ADAMTS14: variants seen among roughly 807,000 people sequenced by gnomAD.
ADAMTS14 encodes A disintegrin and metalloproteinase with thrombospondin motifs 14.
In ADAMTS14, 100 loss-of-function variants were observed where a neutral mutation model predicts 128.6. The ratio of observed to expected loss-of-function variants is 0.78; its 90% CI spans 0.66 to 0.92. The LOEUF (loss-of-function observed/expected upper bound fraction) is 0.92, where lower values mean the gene tolerates loss of function less well. ADAMTS14 is among the 40% of genes least tolerant of loss of function. ADAMTS14 has a pLI of 0.00. For synonymous variants in ADAMTS14, 665 were observed against 653.8 expected (o/e 1.02, Z -0.26); for missense variants, 1,562 against 1,658.6 (o/e 0.94, Z 1.01).
chr10:70,723,996 G>T (rs566456454), intron 4 of ADAMTS14, among the ~76,000 whole-genome samples: 5 of 152,342 alleles, frequency 3.3e-5, no homozygotes, highest in Admixed American at 3.3e-4. Context: ...TGGATGTCTT[G>T]CCTATGAGAC....
At chr10:70,735,339 C>T (rs201013821) in intron 9 of ADAMTS14, 38 bp downstream of exon 9, 2 of 1,607,666 alleles carry the variant, frequency 1.2e-6, no homozygotes, top group Admixed American at 1.7e-5. Context: ...TGGTTGGGGG[C>T]CAGGGCAGTG....
At chr10:70,697,637 T>C (rs1041339026) in intron 2 of ADAMTS14, among the ~76,000 whole-genome samples, 2 of 152,236 alleles carry the variant, frequency 1.3e-5, no homozygotes, top group African/African-American at 2.4e-5. Context: ...CTCATCCTGA[T>C]AGTAGACAGC....
At chr10:70,760,275 T>G in intron 21 of ADAMTS14, 85 bp from the exon 22 acceptor site, 1 of 1,485,216 alleles carries the variant, frequency 6.7e-7, no homozygotes, top group Non-Finnish European at 8.9e-7. Context: ...GGGCGGGCAG[T>G]CAGTGGGTAA....
chr10:70,735,257 C>T lies in ADAMTS14; in HGVS notation c.1441C>T (p.Gln481Ter). 1 of 1,614,056 alleles carries T rather than the reference C, an allele frequency of 6.2e-7. No homozygotes were observed. Among genetic ancestry groups the T allele is most frequent in the Non-Finnish European group, 8.5e-7 (1 of 1,179,958 alleles). The stretch of plus-strand genomic sequence containing the variant: ...TGGGATCAACTACTCAATGGATGAG[C>T]AGTGCCGCTTTGACTTTGGCAGTGG... ...LPGINYSMDE[Q>*]CRFDFGSGYQ... The change falls in exon 9 of 22, where the codon CAG becomes TAG. Residue 481 changes from glutamine to a stop codon, truncating the protein, a stop_gained. Coordinates refer to ENST00000373207, the MANE Select transcript of ADAMTS14 (RefSeq NM_080722.4). LOFTEE classifies it high-confidence loss of function.
rs553009261 is a variant in ADAMTS14 at position 70,738,757 on chromosome 10, G to C, written c.1600-85G>C. 39 of 1,585,566 alleles carry C rather than the reference G, an allele frequency of 2.5e-5. No individual in the cohort carries two copies. In the East Asian group the frequency reaches 6.6e-4, roughly 27 times the overall value. On this transcript the variant is annotated intron_variant, in intron 10 of 21. Coordinates refer to ENST00000373207, the MANE Select transcript of ADAMTS14 (RefSeq NM_080722.4). ...GGATTCTGCCTAAACCCAGGCTCAT[G>C]CTCTTGCTATCCCTTTTTCTGGCTC... is the stretch of plus-strand genomic sequence containing the variant.
At chr10:70,719,970 C>T (rs964806418) in intron 4 of ADAMTS14, among the ~76,000 whole-genome samples, 4 of 152,234 alleles carry the variant, frequency 2.6e-5, no homozygotes, top group Non-Finnish European at 5.9e-5. Flanking sequence ...GAGGCTGCTG[C>T]GTTTCACAAA....
intron 8 of ADAMTS14, among the ~76,000 whole-genome samples, 183 bp from the exon 9 acceptor site, chr10:70,734,986 G>C (rs764717928): frequency 6.6e-6 from 1 of 152,242 alleles, no homozygotes; most frequent in Admixed American, 6.5e-5. Flanking sequence ...ACTGGTGGGA[G>C]TGAGGTCCTG....
In ADAMTS14 at chr10:70,675,138, C is replaced by T. The variant is rs142923634; in HGVS notation, c.522+143C>T. On this transcript the variant is annotated intron_variant, in intron 2 of 21. Transcript: ENST00000373207. ...TTCCAGAGGGAGTGCCGCCTGCCCC[C>T]GCGGGCCACTAGGTTCATGCGCTGC... The T allele has an allele frequency of 8.8e-4, 889 of 1,004,680 alleles. 9 individuals are homozygous for T. The African/African-American group carries it at 0.013, about 14-fold the overall frequency. 62.2% of individuals were successfully genotyped at this position (1,004,680 alleles called of 1,614,324 possible). A position where few individuals can be genotyped will look rare whatever the true frequency, so the allele number is the denominator to read the frequency against.
chr10:70,748,029 G>A (rs1258011453), intron 15 of ADAMTS14, among the ~76,000 whole-genome samples: 1 of 152,194 alleles, frequency 6.6e-6, no homozygotes, highest in African/African-American at 2.4e-5. Context: ...GTCTTTGAAA[G>A]GAAGTGTAGG....
intron 8 of ADAMTS14, 70 bp from the exon 9 acceptor site, chr10:70,735,098 AG>A: frequency 3.2e-6 from 5 of 1,554,932 alleles, no homozygotes; most frequent in Non-Finnish European, 4.4e-6. Flanking sequence ...TGAAAACCCC[AG>A]CCCCTGGGAA....
intron 21 of ADAMTS14, among the ~76,000 whole-genome samples, chr10:70,760,022 G>A (rs1477552641): frequency 6.6e-6 from 1 of 152,250 alleles, no homozygotes; most frequent in Admixed American, 6.5e-5. Flanking sequence ...AAAGCACAGC[G>A]CTGAGCCCCA....
chr10:70,753,657 TG>T, intron 18 of ADAMTS14, 142 bp from the exon 19 acceptor site: 2 of 817,144 alleles, frequency 2.4e-6, no homozygotes, highest in Non-Finnish European at 1.9e-6. Flanking sequence ...CAGAGCCAGG[TG>T]GACAGTTGTC....
chr10:70,674,144 A>G (rs1839568374), intron 1 of ADAMTS14, among the ~76,000 whole-genome samples: 1 of 152,076 alleles, frequency 6.6e-6, no homozygotes, highest in East Asian at 1.9e-4. Flanking sequence ...GCACTACCCC[A>G]GCCTGGGCTG....
chr10:70,740,401 G>A (rs546706459), intron 11 of ADAMTS14, among the ~76,000 whole-genome samples: 1 of 152,324 alleles, frequency 6.6e-6, no homozygotes, highest in East Asian at 1.9e-4. Context: ...AGACACACCA[G>A]GAGGTGAGTA....
chr10:70,722,701 C>T (rs1483624975), intron 4 of ADAMTS14, among the ~76,000 whole-genome samples: 1 of 152,116 alleles, frequency 6.6e-6, no homozygotes, highest in Non-Finnish European at 1.5e-5. Flanking sequence ...GACACAGGAC[C>T]CAACTCAAAG....
intron 4 of ADAMTS14, among the ~76,000 whole-genome samples, chr10:70,722,433 G>T (rs1473089926): frequency 6.6e-6 from 1 of 152,192 alleles, no homozygotes; most frequent in Non-Finnish European, 1.5e-5. Context: ...GAGCAGGTCA[G>T]GTTTTCCAAG....
At chr10:70,702,900 C>T (rs570046861) in intron 3 of ADAMTS14, among the ~76,000 whole-genome samples, 2 of 152,230 alleles carry the variant, frequency 1.3e-5, no homozygotes, top group South Asian at 2.1e-4. Flanking sequence ...CTTTGTGTCC[C>T]GTAGACCATT....
chr10:70,678,304 G>A (rs909044270), intron 2 of ADAMTS14, among the ~76,000 whole-genome samples: 1 of 152,202 alleles, frequency 6.6e-6, no homozygotes, highest in Non-Finnish European at 1.5e-5. Flanking sequence ...CCCTGTCCTC[G>A]AGGAACTTGG....
At chr10:70,676,560 T>G (rs552561545) in intron 2 of ADAMTS14, among the ~76,000 whole-genome samples, 13 of 152,138 alleles carry the variant, frequency 8.5e-5, no homozygotes, top group Admixed American at 2.0e-4. Context: ...GGGACCAGGA[T>G]CTGATCATTA....
Sources: gnomAD v4.1 joint callset for allele counts (sites outside exome capture counted in the v4.1 genomes callset) on GRCh38, gnomAD v4.1.1 for gene constraint, MANE v1.5 for transcripts, NCBI Gene and HGNC (gene_info 2026-07-23, HGNC 2026-07-21) for gene names.